Variants in MYO1F observed in about 807,000 individuals in gnomAD.
The protein encoded by MYO1F is myosin IF.
A neutral mutation model predicts 146.6 loss-of-function variants in MYO1F; 60 were observed. That is an observed-to-expected ratio of 0.41 (90% CI 0.33 to 0.51). MYO1F has a LOEUF of 0.51. MYO1F is among the 20% of genes least tolerant of loss of function. The pLI is 0.25. For missense variants in MYO1F, 1,274 were observed against 1,534.3 expected, an observed-to-expected ratio of 0.83 and a Z score of 2.83; for synonymous variants, 602 against 602.1, an observed-to-expected ratio of 1.00 and a Z score of 0.00.
intron 19 of MYO1F, 73 bp downstream of exon 19, chr19:8,536,179 C>G (rs1972700780): frequency 6.4e-7 from 1 of 1,557,120 alleles, no homozygotes; most frequent in Non-Finnish European, 8.8e-7. Flanking sequence ...CTCTCTCTCT[C>G]TCTCTCAGTC....
At chr19:8,543,975 G>C (rs1196227505) in intron 14 of MYO1F, 2 of 373,828 alleles carry the variant, frequency 5.4e-6, no homozygotes, top group African/African-American at 5.8e-5. Flanking sequence ...GGTGGTGCTG[G>C]TGCTGGTGCT....
At chr19:8,525,224 A>AAATT in intron 25 of MYO1F, 1 of 219,694 alleles carries the variant, frequency 4.6e-6, no homozygotes, top group African/African-American at 2.4e-5. Context: ...AAAAAAAAAG[A>AAATT]TGTAGTTTAC....
chr19:8,524,727 G>A (rs1028042106), intron 25 of MYO1F, among the ~76,000 whole-genome samples: 1 of 152,136 alleles, frequency 6.6e-6, no homozygotes, highest in Non-Finnish European at 1.5e-5. Context: ...GCCTGGCCAG[G>A]AGTGGCTTTG....
chr19:8,540,216 G>A (rs182288791), intron 15 of MYO1F, 188 bp from the exon 16 acceptor site: 99 of 543,298 alleles, frequency 1.8e-4, no homozygotes, highest in African/African-American at 1.7e-3. Context: ...GCCTCGCTTT[G>A]TCCTCCAGGT....
At chr19:8,546,441 C>T (rs1297054998) in intron 12 of MYO1F, among the ~76,000 whole-genome samples, 1 of 151,750 alleles carries the variant, frequency 6.6e-6, no homozygotes, top group Non-Finnish European at 1.5e-5. Context: ...CTCACTGCAA[C>T]CTTGACCTCC....
intron 19 of MYO1F, 80 bp downstream of exon 19, chr19:8,536,162 CCTCTGTCTCT>C (rs1357927449): frequency 1.4e-6 from 2 of 1,436,570 alleles, no homozygotes; most frequent in Non-Finnish European, 1.9e-6. Flanking sequence ...TCTCTGTCTC[CCTCTGTCTCT>C]CTCTCTCTCT....
At chr19:8,574,625 C>CTT (rs1202296302) in intron 1 of MYO1F, among the ~76,000 whole-genome samples, 1 of 52,110 alleles carries the variant, frequency 1.9e-5, no homozygotes, top group Non-Finnish European at 3.9e-5. Flanking sequence ...TTCTTTCTTT[C>CTT]TTTCTTTCTT....
rs779788194 is a variant in MYO1F at position 8,554,556 on chromosome 19, GA to G, written c.246del (p.Pro84ArgfsTer145). 8 of 1,613,514 alleles carry G rather than the reference GA, an allele frequency of 5.0e-6. No individual in the cohort carries two copies. On this transcript the variant is annotated frameshift_variant, in exon 4 of 28. Coordinates refer to ENST00000644032, the MANE Select transcript of MYO1F (RefSeq NM_012335.4). LOFTEE classifies it high-confidence loss of function. ...TCCGTGAGGGCGTAGATGTGCGGGG[GA>G]TTCTCATACTGGGCCTGGCAGGGGA... ...DLYQGAAQYE[N>X]PPHIYALTDN...
intron 1 of MYO1F, among the ~76,000 whole-genome samples, chr19:8,574,577 T>TTCTTTCTCTCTC (rs1335184271): frequency 3.9e-4 from 31 of 79,774 alleles, no homozygotes; most frequent in Non-Finnish European, 5.5e-4. Flanking sequence ...CTTTCTTTCT[T>TTCTTTCTCTCTC]TCTCTCTCTC....
intron 1 of MYO1F, among the ~76,000 whole-genome samples, chr19:8,573,208 G>C (rs577527134): frequency 6.6e-6 from 1 of 152,266 alleles, no homozygotes; most frequent in Admixed American, 6.5e-5. Flanking sequence ...CTACTCGGGA[G>C]GCTGAGGCAG....
rs111752144 is a variant in MYO1F at position 8,568,392 on chromosome 19, C to T, written c.3+8915G>A. Among the ~76,000 whole-genome samples, 1,008 of 114,860 alleles carry T rather than the reference C, an allele frequency of 8.8e-3. 11 individuals are homozygous for T. The highest frequency in any genetic ancestry group is 0.03 in the African/African-American group (895 of 29,676). The allele number at this position is 114,860 out of a possible 152,430, so 75.4% of individuals were successfully genotyped here. A position where few individuals can be genotyped will look rare whatever the true frequency, so the allele number is the denominator to read the frequency against. On this transcript the variant is annotated intron_variant, in intron 1 of 27. Transcript: ENST00000644032. ...GAGCTGAGATGGTGCCACTGCAGTC[C>T]GGCCTGGGTGAAAGAGTGAGACTCC...
intron 21 of MYO1F, chr19:8,529,857 G>C (rs978087566): frequency 8.3e-5 from 40 of 484,716 alleles, no homozygotes; most frequent in South Asian, 7.5e-4. Context: ...TGATGGAACA[G>C]ATTGATCTAG....
At chr19:8,555,100 G>A (rs1600006196) in intron 2 of MYO1F, among the ~76,000 whole-genome samples, 1 of 150,846 alleles carries the variant, frequency 6.6e-6, no homozygotes, top group Admixed American at 6.6e-5. Context: ...GAGGAGAATC[G>A]CTTGAACCTG....
intron 14 of MYO1F, chr19:8,543,933 G>GTGC (rs1973181731): frequency 2.6e-5 from 7 of 272,028 alleles, no homozygotes; most frequent in East Asian, 1.1e-4. Context: ...GGTGGTGGTG[G>GTGC]TGGTGCTGGT....
At chr19:8,571,819 G>A (rs1476328971) in intron 1 of MYO1F, among the ~76,000 whole-genome samples, 3 of 151,852 alleles carry the variant, frequency 2.0e-5, no homozygotes, top group South Asian at 2.1e-4. Context: ...GGATGGTCTC[G>A]ATCTCCTGAC....
chr19:8,534,302 TTTTTC>T (rs928099007), intron 19 of MYO1F, among the ~76,000 whole-genome samples: 14 of 152,208 alleles, frequency 9.2e-5, no homozygotes, highest in South Asian at 2.1e-4. Context: ...CCGTTGGCTA[TTTTTC>T]TTTTCTTTTC....
At chr19:8,524,777 C>T (rs1972197917) in intron 25 of MYO1F, among the ~76,000 whole-genome samples, 1 of 152,050 alleles carries the variant, frequency 6.6e-6, no homozygotes, top group South Asian at 2.1e-4. Context: ...TGTAGGAGAG[C>T]TTCTGTGGGT....
At chr19:8,556,483 A>G (rs1290046025) in intron 1 of MYO1F, among the ~76,000 whole-genome samples, 1 of 117,460 alleles carries the variant, frequency 8.5e-6, no homozygotes, top group Non-Finnish European at 1.6e-5. Flanking sequence ...CTCTATAAAA[A>G]AAGAAAGAAA....
chr19:8,551,967 C>T (rs754142078), intron 7 of MYO1F, 66 bp downstream of exon 7: 1 of 1,613,922 alleles, frequency 6.2e-7, no homozygotes, highest in South Asian at 1.1e-5. Flanking sequence ...TAGGTGTTTA[C>T]CTTCCCATTG....
Sources: gnomAD v4.1 joint callset for allele counts (sites outside exome capture counted in the v4.1 genomes callset) on GRCh38, gnomAD v4.1.1 for gene constraint, MANE v1.5 for transcripts, NCBI Gene and HGNC (gene_info 2026-07-23, HGNC 2026-07-21) for gene names.